The following ACVR2B variants were observed in gnomAD, a reference collection of about 807,000 sequenced individuals.
The protein encoded by ACVR2B is activin A receptor type 2B, also known as activin receptor type-2B.
ACVR2B carries 18 observed loss-of-function variants against 65.1 expected under a neutral mutation model. The ratio of observed to expected loss-of-function variants is 0.28; its 90% CI spans 0.19 to 0.41. The LOEUF is 0.41. Ranked by LOEUF, ACVR2B falls within the 10% of genes least tolerant of loss-of-function variation. The pLI is 1.00. For missense variants in ACVR2B, 482 were observed against 682.7 expected, an observed-to-expected ratio of 0.71 and a Z score of 3.28; for synonymous variants, 298 against 277.7, an observed-to-expected ratio of 1.07 and a Z score of -0.73.
chr3:38,479,047 G>C (rs1047304657), intron 5 of ACVR2B, 81 bp from the exon 6 acceptor site: 3 of 1,584,814 alleles, frequency 1.9e-6, no homozygotes, highest in East Asian at 2.2e-5. Flanking sequence ...ATGGGGAATG[G>C]TTGTTCTGCT....
chr3:38,457,732 T>C (rs1260071426), intron 1 of ACVR2B, among the ~76,000 whole-genome samples: 1 of 152,226 alleles, frequency 6.6e-6, no homozygotes, highest in African/African-American at 2.4e-5. Context: ...GCCTCCTGTC[T>C]ATCCCATCAG....
At chr3:38,479,044 A>G in intron 5 of ACVR2B, 84 bp from the exon 6 acceptor site, 1 of 1,570,680 alleles carries the variant, frequency 6.4e-7, no homozygotes, top group East Asian at 2.2e-5. Context: ...GGAATGGGGA[A>G]TGGTTGTTCT....
intron 1 of ACVR2B, among the ~76,000 whole-genome samples, chr3:38,472,076 A>G (rs1387150300): frequency 6.6e-6 from 1 of 152,204 alleles, no homozygotes; most frequent in African/African-American, 2.4e-5. Flanking sequence ...CACAGTGTGC[A>G]TACACGTGTG....
chr3:38,479,237 T>C lies in ACVR2B; in HGVS notation c.776T>C (p.Val259Ala), dbSNP rs564309911. The change falls in exon 6 of 11, where the codon GTA becomes GCA. Residue 259 changes from valine to alanine, a missense_variant. Val to Ala is a moderately conservative substitution (Grantham distance 64, BLOSUM62 0). Transcript: ENST00000352511. ...GAGAAGCGAGGCTCCAACCTCGAAG[T>C]AGAGCTGTGGCTCATCACGGCCTTC... ...AAEKRGSNLEVELWLITAFHD... is the reference protein window; with the variant it reads ...AAEKRGSNLEAELWLITAFHD... The C allele has an allele frequency of 1.2e-6, 2 of 1,614,152 alleles. No individual in the cohort carries two copies. The highest frequency in any genetic ancestry group is 1.3e-5 in the African/African-American group (1 of 75,042).
rs1393634602 is a variant in ACVR2B, at chr3:38,477,760, C to T, written c.261-101C>T. The T allele has an allele frequency of 1.6e-5, 20 of 1,261,340 alleles. No homozygotes were observed. Among genetic ancestry groups the T allele is most frequent in the Non-Finnish European group, 2.1e-5 (18 of 858,438 alleles). The allele number at this position is 1,261,340 out of a possible 1,614,324, so 78.1% of individuals were successfully genotyped here. A position where few individuals can be genotyped will look rare whatever the true frequency, so the allele number is the denominator to read the frequency against. ...AGTTCACACCGTCCCCCTGGTGTTG[C>T]CCATGAGGTGCTCTGTCTGTGAGGA... is the stretch of plus-strand genomic sequence containing the variant. On this transcript the variant is annotated intron_variant, in intron 2 of 10. Transcript: ENST00000352511. The surrounding 1 kb of genome is among the most constrained non-coding windows in gnomAD (Gnocchi z 6.7).
Position 38,477,146 on chromosome 3 carries a change from G to A in ACVR2B, c.53-141G>A. On this transcript the variant is annotated intron_variant, in intron 1 of 10. Coordinates refer to ENST00000352511, the MANE Select transcript of ACVR2B (RefSeq NM_001106.4). This position sits in a 1 kb window ranked among gnomAD's most constrained non-coding sequence, Gnocchi z 6.7. ...GACGGATGGGTGGCCTACGTCCAGG[G>A]GTGAGTGCAGGAGGTTGGTGACCCC... is the stretch of plus-strand genomic sequence containing the variant. 1.2e-6 allele frequency: 1 copy of A among 848,530 alleles called. No individual in the cohort carries two copies. Among genetic ancestry groups the A allele is most frequent in the Non-Finnish European group, 1.9e-6 (1 of 529,672 alleles). 52.6% of individuals were successfully genotyped at this position (848,530 alleles called of 1,614,324 possible). A position where few individuals can be genotyped will look rare whatever the true frequency, so the allele number is the denominator to read the frequency against.
At chr3:38,460,996 T>C (rs1373121818) in intron 1 of ACVR2B, among the ~76,000 whole-genome samples, 2 of 152,198 alleles carry the variant, frequency 1.3e-5, no homozygotes, top group Admixed American at 1.3e-4. Flanking sequence ...CCAGCTGTTA[T>C]CCGTCCATCT....
At position 38,489,699 on chromosome 3, in the gene ACVR2B, CAG is replaced by C. The variant is rs1312883848; in HGVS notation, c.*6369_*6370del. ...AGTCATGTGAGAGTGTTTGGGGGAA[CAG>C]AAATTGTATAGGGGTGCCTATTGGG... On this transcript the variant is annotated 3_prime_UTR_variant, in exon 11 of 11. Coordinates refer to ENST00000352511, the MANE Select transcript of ACVR2B (RefSeq NM_001106.4). 1 of 152,522 alleles carries C rather than the reference CAG, an allele frequency of 6.6e-6. No individual in the cohort carries two copies. The highest frequency in any genetic ancestry group is 2.1e-4 in the South Asian group (1 of 4,826). 9.4% of individuals were successfully genotyped at this position (152,522 alleles called of 1,614,324 possible).
At chr3:38,466,861 A>C (rs1047520659) in intron 1 of ACVR2B, among the ~76,000 whole-genome samples, 2 of 152,226 alleles carry the variant, frequency 1.3e-5, no homozygotes, top group African/African-American at 4.8e-5. Context: ...AGGCAGAAGG[A>C]AAATAAATCC....
intron 7 of ACVR2B, among the ~76,000 whole-genome samples, chr3:38,480,546 T>A (rs1710000318): frequency 6.6e-6 from 1 of 152,208 alleles, no homozygotes; most frequent in Non-Finnish European, 1.5e-5. Flanking sequence ...AGCCAAGGTC[T>A]TGTAGCTAGT....
Position 38,477,077 on chromosome 3 carries a change from G to A in ACVR2B, c.53-210G>A. 1.6e-6 allele frequency: 1 copy of A among 612,182 alleles called. No homozygotes were observed. Among genetic ancestry groups the A allele is most frequent in the Non-Finnish European group, 2.9e-6 (1 of 344,888 alleles). 37.9% of individuals were successfully genotyped at this position (612,182 alleles called of 1,614,324 possible). A position where few individuals can be genotyped will look rare whatever the true frequency, so the allele number is the denominator to read the frequency against. On this transcript the variant is annotated intron_variant, in intron 1 of 10. Transcript: ENST00000352511. The surrounding 1 kb of genome is among the most constrained non-coding windows in gnomAD (Gnocchi z 6.7). Reference sequence around the variant, plus strand: ...CAGCTGTGATGGGCTGCAGAATGAGGTGGGGGCTGGTGCCAGCTGGCACAC... The same window carrying A: ...CAGCTGTGATGGGCTGCAGAATGAGATGGGGGCTGGTGCCAGCTGGCACAC...
rs1432758912 is a variant in ACVR2B, at chr3:38,491,180, T to C, written c.*7848T>C. On this transcript the variant is annotated 3_prime_UTR_variant, in exon 11 of 11. Transcript: ENST00000352511. ...TTTTGATGTATTTTAAATAAATATATATATTTTTTAAAGAGCCTTTTTTAC... is the reference window on the plus strand; with the variant it reads ...TTTTGATGTATTTTAAATAAATATACATATTTTTTAAAGAGCCTTTTTTAC... 1 of 152,254 alleles carries C rather than the reference T, an allele frequency of 6.6e-6. No individual in the cohort carries two copies. Among genetic ancestry groups the C allele is most frequent in the African/African-American group, 2.4e-5 (1 of 41,440 alleles). The allele number at this position is 152,254 out of a possible 1,614,324, so 9.4% of individuals were successfully genotyped here.
rs1710133143 is a variant in ACVR2B, at chr3:38,486,972, C to G, written c.*3640C>G. The G allele has an allele frequency of 1.3e-5, 2 of 152,352 alleles. No homozygotes were observed. The highest frequency in any genetic ancestry group is 4.8e-5 in the African/African-American group (2 of 41,452). The allele number at this position is 152,352 out of a possible 1,614,324, so 9.4% of individuals were successfully genotyped here. A position where few individuals can be genotyped will look rare whatever the true frequency, so the allele number is the denominator to read the frequency against. On this transcript the variant is annotated 3_prime_UTR_variant, in exon 11 of 11. Coordinates refer to ENST00000352511, the MANE Select transcript of ACVR2B (RefSeq NM_001106.4). ...CCTGGCCTGGCATAAGCTGGGTTTTCTCCTGGGACCATTGGTCCTCAGCAG... is the reference window on the plus strand; with the variant it reads ...CCTGGCCTGGCATAAGCTGGGTTTTGTCCTGGGACCATTGGTCCTCAGCAG...
At chr3:38,455,459 C>A (rs1709532502) in intron 1 of ACVR2B, among the ~76,000 whole-genome samples, 1 of 152,110 alleles carries the variant, frequency 6.6e-6, no homozygotes, top group Non-Finnish European at 1.5e-5. Context: ...GTCTGGGAAA[C>A]CCTCGAGGGG....
chr3:38,455,646 T>C (rs1267928101), intron 1 of ACVR2B, among the ~76,000 whole-genome samples: 1 of 152,088 alleles, frequency 6.6e-6, no homozygotes, highest in Non-Finnish European at 1.5e-5. Context: ...GCGCGCAGCC[T>C]GAGTCCGGAA....
At chr3:38,470,155 G>T (rs1194041890) in intron 1 of ACVR2B, among the ~76,000 whole-genome samples, 1 of 152,120 alleles carries the variant, frequency 6.6e-6, no homozygotes, top group Non-Finnish European at 1.5e-5. Context: ...CAGAATCATA[G>T]AATTTGGAGA....
chr3:38,472,530 G>T (rs1407509681), intron 1 of ACVR2B, among the ~76,000 whole-genome samples: 1 of 151,332 alleles, frequency 6.6e-6, no homozygotes, highest in Admixed American at 6.6e-5. Flanking sequence ...AGTGGTGAGT[G>T]GCACTCCTTC....
At chr3:38,454,971 G>T (rs1211558888) in intron 1 of ACVR2B, among the ~76,000 whole-genome samples, 1 of 152,010 alleles carries the variant, frequency 6.6e-6, no homozygotes, top group Admixed American at 6.5e-5. Context: ...GAGTGTGGTC[G>T]CTTCGCGGGA....
chr3:38,481,319 T>C lies in ACVR2B; in HGVS notation c.960-32T>C. 1.3e-6 allele frequency: 2 copies of C among 1,569,410 alleles called. No homozygotes were observed. Among genetic ancestry groups the C allele is most frequent in the Non-Finnish European group, 1.8e-6 (2 of 1,139,556 alleles). ...CAAGGTGGGAGTTGGATCATGATGT[T>C]AAGCTTTATCTCTGCCCACTTGTTT... is the stretch of plus-strand genomic sequence containing the variant. On this transcript the variant is annotated intron_variant, in intron 7 of 10. Coordinates refer to ENST00000352511, the MANE Select transcript of ACVR2B (RefSeq NM_001106.4). The surrounding 1 kb of genome is among the most constrained non-coding windows in gnomAD (Gnocchi z 4.7).
Sources: allele counts gnomAD v4.1 joint callset (sites outside exome capture counted in the v4.1 genomes callset), GRCh38; gene constraint gnomAD v4.1.1; non-coding constraint Gnocchi (gnomAD v3.1); transcripts MANE v1.5; gene names NCBI Gene and HGNC (gene_info 2026-07-23, HGNC 2026-07-21).